Variants in KPNA5 observed in about 807,000 individuals in gnomAD.
KPNA5 encodes the protein karyopherin subunit alpha 5, also known as importin subunit alpha-6.
In KPNA5, 46 loss-of-function variants were observed where a neutral mutation model predicts 71.3. That is an observed-to-expected ratio of 0.65 (90% CI 0.51 to 0.83). KPNA5 has a LOEUF of 0.83. Among genes scored for constraint, KPNA5 ranks in the 40% least tolerant of loss-of-function variants. The pLI, the probability that KPNA5 is intolerant of heterozygous loss-of-function variation, is 0.00. For missense variants in KPNA5, 547 were observed against 628.3 expected (o/e 0.87, Z 1.38); for synonymous variants, 207 against 201.4 (o/e 1.03, Z -0.24).
chr6:116,740,984 T>TA lies in KPNA5; in HGVS notation c.*8664dup, dbSNP rs1452766344. ...CATTGTGCACATGTACCCTGAAACT[T>TA]AAAGTATAATAAAAAAAAAAGAAAT... is the stretch of plus-strand genomic sequence containing the variant. On this transcript the variant is annotated 3_prime_UTR_variant, in exon 14 of 14. Coordinates refer to ENST00000368564, the MANE Select transcript of KPNA5 (RefSeq NM_001366306.2). The TA allele has an allele frequency of 1.3e-5, 2 of 151,212 alleles. No individual in the cohort carries two copies. The highest frequency in any genetic ancestry group is 4.9e-5 in the African/African-American group (2 of 40,680). The allele number at this position is 151,212 out of a possible 1,614,324, so 9.4% of individuals were successfully genotyped here. A position where few individuals can be genotyped will look rare whatever the true frequency, so the allele number is the denominator to read the frequency against.
At chr6:116,692,564 A>AG (rs1264349010) in intron 4 of KPNA5, among the ~76,000 whole-genome samples, 172 bp downstream of exon 4, 3 of 152,158 alleles carry the variant, frequency 2.0e-5, no homozygotes, top group African/African-American at 7.2e-5. Flanking sequence ...ATGTTACCAA[A>AG]GTAACATATG....
intron 4 of KPNA5, among the ~76,000 whole-genome samples, chr6:116,692,992 T>G (rs1187154894): frequency 6.6e-6 from 1 of 152,170 alleles, no homozygotes; most frequent in Non-Finnish European, 1.5e-5. Context: ...GGTGTTTGGT[T>G]TTTTGTCCTT....
At chr6:116,682,895 T>C (rs1777415541) in intron 1 of KPNA5, among the ~76,000 whole-genome samples, 1 of 152,218 alleles carries the variant, frequency 6.6e-6, no homozygotes, top group African/African-American at 2.4e-5. Context: ...TAATTTCCCT[T>C]GGTTTATTGT....
chr6:116,692,723 GTATT>G (rs1211825477), intron 4 of KPNA5, among the ~76,000 whole-genome samples: 6 of 151,852 alleles, frequency 4.0e-5, no homozygotes, highest in African/African-American at 1.2e-4. Context: ...ATTTTTATTT[GTATT>G]TATTTATTTT....
At position 116,725,955 on chromosome 6, in the gene KPNA5, A is replaced by G; in HGVS notation, c.1125+79A>G. The G allele has an allele frequency of 2.0e-6, 3 of 1,480,836 alleles. No individual in the cohort carries two copies. In the South Asian group the frequency reaches 3.8e-5, roughly 19 times the overall value. 91.7% of individuals were successfully genotyped at this position (1,480,836 alleles called of 1,614,324 possible). A position where few individuals can be genotyped will look rare whatever the true frequency, so the allele number is the denominator to read the frequency against. The stretch of plus-strand genomic sequence containing the variant: ...GGACAAAAGTTAACACTTTTACTAA[A>G]AAAGATTCCTTTTTAAAAAGATACC... On this transcript the variant is annotated intron_variant, in intron 11 of 13. Coordinates refer to ENST00000368564, the MANE Select transcript of KPNA5 (RefSeq NM_001366306.2).
intron 1 of KPNA5, among the ~76,000 whole-genome samples, chr6:116,685,638 T>C (rs1469271970): frequency 1.3e-5 from 2 of 152,240 alleles, no homozygotes; most frequent in African/African-American, 4.8e-5. Context: ...TGTGGCTGCA[T>C]AGTATTTCAT....
At chr6:116,729,245 G>A (rs978369527) in intron 12 of KPNA5, among the ~76,000 whole-genome samples, 5 of 135,766 alleles carry the variant, frequency 3.7e-5, no homozygotes, top group African/African-American at 1.4e-4. Context: ...ACAACCTTTC[G>A]AACCTACGTT....
chr6:116,731,450 G>A (rs1178686537), intron 13 of KPNA5, among the ~76,000 whole-genome samples: 2 of 151,954 alleles, frequency 1.3e-5, no homozygotes, highest in Admixed American at 1.3e-4. Flanking sequence ...TTTTTTTTCT[G>A]TGATAATCTG....
At position 116,681,318 on chromosome 6, in the gene KPNA5, C is replaced by G. The variant is rs972325717; in HGVS notation, c.-17C>G. 2.5e-6 allele frequency: 4 copies of G among 1,608,554 alleles called. No individual in the cohort carries two copies. In the African/African-American group the frequency reaches 5.4e-5, roughly 22 times the overall value. ...GCTGGGGACTGGGAAATCAGGGCAT[C>G]GGAGAGTGCCACATTAATGGGTAAG... is the stretch of plus-strand genomic sequence containing the variant. On this transcript the variant is annotated 5_prime_UTR_variant, in exon 1 of 14. The change creates a new upstream start codon in the 5' untranslated region. Transcript: ENST00000368564.
rs912132028 is a variant in KPNA5, at chr6:116,736,564, A to G, written c.*4241A>G. On this transcript the variant is annotated 3_prime_UTR_variant, in exon 14 of 14. Transcript: ENST00000368564. ...CACGTGAGAGTAACACAAAGTTTTA[A>G]ATGCATATTTTACACCCCAAAGCAA... 2.0e-5 allele frequency: 3 copies of G among 151,988 alleles called. No homozygotes were observed. Among genetic ancestry groups the G allele is most frequent in the Non-Finnish European group, 4.4e-5 (3 of 67,916 alleles). The allele number at this position is 151,988 out of a possible 1,614,324, so 9.4% of individuals were successfully genotyped here. A position where few individuals can be genotyped will look rare whatever the true frequency, so the allele number is the denominator to read the frequency against.
intron 2 of KPNA5, among the ~76,000 whole-genome samples, chr6:116,689,981 AGTATTT>A (rs1282102253): frequency 1.3e-5 from 2 of 152,164 alleles, no homozygotes; most frequent in African/African-American, 4.8e-5. Context: ...TAAATGTAGA[AGTATTT>A]GTAAGTAAGT....
At chr6:116,720,987 G>A (rs1779083729) in intron 8 of KPNA5, among the ~76,000 whole-genome samples, 1 of 152,218 alleles carries the variant, frequency 6.6e-6, no homozygotes, top group Non-Finnish European at 1.5e-5. Flanking sequence ...ACTGATTTGT[G>A]TACATGAGTC....
At chr6:116,703,151 T>C (rs774824635) in intron 6 of KPNA5, among the ~76,000 whole-genome samples, 1 of 152,218 alleles carries the variant, frequency 6.6e-6, no homozygotes, top group Non-Finnish European at 1.5e-5. Flanking sequence ...GGATTATTTC[T>C]AGCTTATTGG....
chr6:116,721,114 G>T (rs540297717), intron 8 of KPNA5, among the ~76,000 whole-genome samples: 1 of 151,728 alleles, frequency 6.6e-6, no homozygotes, highest in African/African-American at 2.4e-5. Context: ...TTCAGAAGAG[G>T]ATAGTTTATA....
chr6:116,689,430 A>C lies in KPNA5; in HGVS notation c.115A>C (p.Arg39=). 1 of 1,590,210 alleles carries C rather than the reference A, an allele frequency of 6.3e-7. No individual in the cohort carries two copies. Among genetic ancestry groups the C allele is most frequent in the Non-Finnish European group, 8.5e-7 (1 of 1,172,078 alleles). ...RRREEEGIQL[R]KQKREEQLFK... ...AAGAGAAGAAGAAGGAATACAGCTT[A>C]GAAAACAAAAAAGAGAAGAACAGGT... is the stretch of plus-strand genomic sequence containing the variant. Residue 39 remains arginine, a synonymous_variant, in exon 2 of 14, where the codon AGA becomes CGA. Transcript: ENST00000368564.
At chr6:116,692,670 A>G (rs186388155) in intron 4 of KPNA5, among the ~76,000 whole-genome samples, 113 of 152,036 alleles carry the variant, frequency 7.4e-4, no homozygotes, top group African/African-American at 2.6e-3. Flanking sequence ...AGAGATATAT[A>G]TTTTTTAATT....
chr6:116,739,294 A>G lies in KPNA5; in HGVS notation c.*6971A>G, dbSNP rs1481731762. On this transcript the variant is annotated 3_prime_UTR_variant, in exon 14 of 14. Coordinates refer to ENST00000368564, the MANE Select transcript of KPNA5 (RefSeq NM_001366306.2). ...TACTTAGGAATCCAACTTACAAGGG[A>G]CGTGAAGGACCTCTTCAAGGAGAAC... The G allele has an allele frequency of 6.6e-6, 1 of 152,186 alleles. No homozygotes were observed. Among genetic ancestry groups the G allele is most frequent in the Non-Finnish European group, 1.5e-5 (1 of 68,024 alleles). The allele number at this position is 152,186 out of a possible 1,614,324, so 9.4% of individuals were successfully genotyped here. A position where few individuals can be genotyped will look rare whatever the true frequency, so the allele number is the denominator to read the frequency against.
In KPNA5 at chr6:116,740,500, A is replaced by T. The variant is rs1779834586; in HGVS notation, c.*8177A>T. Reference sequence around the variant, plus strand: ...CCAGCCATCCCATTACTGGGTATATACCCAAAGGAATATAAATCATGCTGC... The same window carrying T: ...CCAGCCATCCCATTACTGGGTATATTCCCAAAGGAATATAAATCATGCTGC... On this transcript the variant is annotated 3_prime_UTR_variant, in exon 14 of 14. Transcript: ENST00000368564. 6.6e-6 allele frequency: 1 copy of T among 152,188 alleles called. No homozygotes were observed. Among genetic ancestry groups the T allele is most frequent in the South Asian group, 2.1e-4 (1 of 4,834 alleles). 9.4% of individuals were successfully genotyped at this position (152,188 alleles called of 1,614,324 possible).
chr6:116,690,324 G>A (rs1308267523), intron 2 of KPNA5, among the ~76,000 whole-genome samples: 1 of 152,190 alleles, frequency 6.6e-6, no homozygotes, highest in Non-Finnish European at 1.5e-5. Flanking sequence ...AAAAAATTGT[G>A]TTGAATAAAT....
Sources: gnomAD v4.1 joint callset for allele counts (sites outside exome capture counted in the v4.1 genomes callset) on GRCh38, gnomAD v4.1.1 for gene constraint, MANE v1.5 for transcripts, NCBI Gene and HGNC (gene_info 2026-07-23, HGNC 2026-07-21) for gene names.